Variants in ERG observed in about 807,000 individuals in gnomAD.
ERG encodes ETS transcription factor ERG.
A neutral mutation model predicts 55.3 loss-of-function variants in ERG; 9 were observed. The observed-to-expected ratio is 0.16, with a 90% CI of 0.10 to 0.28. The LOEUF (loss-of-function observed/expected upper bound fraction) is 0.28, where lower values mean the gene tolerates loss of function less well. Among genes scored for constraint, ERG ranks in the 10% least tolerant of loss-of-function variants. The probability of loss-of-function intolerance (pLI) is 1.00; values close to 1 mark genes in which losing one functional copy is unlikely to be tolerated. For synonymous variants in ERG, 223 were observed against 237.3 expected, an observed-to-expected ratio of 0.94 and a Z score of 0.55; for missense variants, 434 against 631.6, an observed-to-expected ratio of 0.69 and a Z score of 3.35.
chr21:38,584,332 A>AT (rs1445717778), intron 1 of ERG, among the ~76,000 whole-genome samples: 1 of 152,020 alleles, frequency 6.6e-6, no homozygotes, highest in Non-Finnish European at 1.5e-5. Context: ...TTTTATTTTT[A>AT]TTTTTTGGCA....
intron 1 of ERG, among the ~76,000 whole-genome samples, chr21:38,472,555 T>A (rs937766950): frequency 6.6e-6 from 1 of 151,806 alleles, no homozygotes; most frequent in African/African-American, 2.4e-5. Context: ...GTCCTAAGAG[T>A]GGTGAGGCTC....
At chr21:38,486,413 G>A (rs2059286136) in intron 1 of ERG, among the ~76,000 whole-genome samples, 1 of 152,166 alleles carries the variant, frequency 6.6e-6, no homozygotes, top group Non-Finnish European at 1.5e-5. Flanking sequence ...ATGTACATTT[G>A]TGTAAGTGCT....
intron 2 of ERG, among the ~76,000 whole-genome samples, chr21:38,441,760 C>G (rs1210649632): frequency 6.6e-6 from 1 of 152,188 alleles, no homozygotes; most frequent in Non-Finnish European, 1.5e-5. Flanking sequence ...TTGCTAGATG[C>G]CTCAAAGCGG....
chr21:38,569,338 G>C (rs928519870), intron 2 of ERG, among the ~76,000 whole-genome samples: 1 of 152,228 alleles, frequency 6.6e-6, no homozygotes, highest in East Asian at 1.9e-4. Context: ...GAAACGGCCC[G>C]TGCCCAGCTT....
Position 38,381,933 on chromosome 21 carries a change from G to A in ERG, c.*1470C>T. The A allele has an allele frequency of 9.4e-7, 1 of 1,062,766 alleles. No individual in the cohort carries two copies. The highest frequency in any genetic ancestry group is 1.1e-6 in the Non-Finnish European group (1 of 877,700). 65.8% of individuals were successfully genotyped at this position (1,062,766 alleles called of 1,614,324 possible). A position where few individuals can be genotyped will look rare whatever the true frequency, so the allele number is the denominator to read the frequency against. On this transcript the variant is annotated 3_prime_UTR_variant, in exon 10 of 10. Coordinates refer to ENST00000288319, the MANE Select transcript of ERG (RefSeq NM_182918.4). The stretch of plus-strand genomic sequence containing the variant: ...TCCCTTGCACAAGTTCCTGGACAAA[G>A]TAAATTATAACACAAAATCCACAAC...
At chr21:38,625,950 C>A (rs1468898673) in intron 1 of ERG, among the ~76,000 whole-genome samples, 1 of 128,618 alleles carries the variant, frequency 7.8e-6, no homozygotes, top group Non-Finnish European at 1.6e-5. Flanking sequence ...TGAGACCAAG[C>A]CTCACTCTGT....
chr21:38,376,957 G>C (rs1217839281), downstream of ERG, among the ~76,000 whole-genome samples: 1 of 152,178 alleles, frequency 6.6e-6, no homozygotes, highest in Admixed American at 6.5e-5. Context: ...ACCAACAACC[G>C]GGCTTCTGCC....
intron 2 of ERG, among the ~76,000 whole-genome samples, chr21:38,573,294 G>A (rs1236254479): frequency 1.3e-5 from 2 of 152,212 alleles, no homozygotes; most frequent in African/African-American, 2.4e-5. Flanking sequence ...CCCCCAGCCC[G>A]ACACCCGTAA....
At chr21:38,632,626 G>C (rs530497586) in intron 1 of ERG, among the ~76,000 whole-genome samples, 66 of 152,170 alleles carry the variant, frequency 4.3e-4, no homozygotes, top group African/African-American at 1.5e-3. Flanking sequence ...TCTCTCTCTC[G>C]CCTGCTGCCA....
chr21:38,552,403 T>A (rs1440816905), intron 2 of ERG, among the ~76,000 whole-genome samples: 1 of 152,104 alleles, frequency 6.6e-6, no homozygotes, highest in Non-Finnish European at 1.5e-5. Flanking sequence ...CAGGCCAATA[T>A]TCATGATGAA....
At chr21:38,652,903 A>C (rs1229821696) in intron 1 of ERG, among the ~76,000 whole-genome samples, 1 of 152,170 alleles carries the variant, frequency 6.6e-6, no homozygotes, top group African/African-American at 2.4e-5. Flanking sequence ...AGATTTCATG[A>C]TGTGCACATT....
intron 2 of ERG, among the ~76,000 whole-genome samples, chr21:38,424,017 G>T (rs1303581239): frequency 2.0e-5 from 3 of 151,782 alleles, no homozygotes; most frequent in Non-Finnish European, 4.4e-5. Flanking sequence ...CCGAAAACAG[G>T]CCTTGCCTTC....
chr21:38,370,953 C>T, the ERG span, among the ~76,000 whole-genome samples: 1,477 of 151,298 alleles, frequency 9.8e-3, 19 homozygotes, highest in African/African-American at 0.033. Context: ...AATGTACTGC[C>T]GGATTTTTTT....
chr21:38,519,855 C>T (rs1276624169), intron 2 of ERG, among the ~76,000 whole-genome samples: 1 of 152,154 alleles, frequency 6.6e-6, no homozygotes, highest in African/African-American at 2.4e-5. Flanking sequence ...ACCCTAACCA[C>T]ACATGTAGAA....
At position 38,381,944 on chromosome 21, in the gene ERG, C is replaced by T. The variant is rs1024031891; in HGVS notation, c.*1459G>A. On this transcript the variant is annotated 3_prime_UTR_variant, in exon 10 of 10. Coordinates refer to ENST00000288319, the MANE Select transcript of ERG (RefSeq NM_182918.4). The stretch of plus-strand genomic sequence containing the variant: ...AGTTCCTGGACAAAGTAAATTATAA[C>T]ACAAAATCCACAACATTCAGCACAT... 2.0e-4 allele frequency: 212 copies of T among 1,062,560 alleles called. No homozygotes were observed. The highest frequency in any genetic ancestry group is 2.3e-4 in the Non-Finnish European group (199 of 877,584). 65.8% of individuals were successfully genotyped at this position (1,062,560 alleles called of 1,614,324 possible).
chr21:38,483,962 G>A (rs2059261028), intron 1 of ERG, among the ~76,000 whole-genome samples: 1 of 152,190 alleles, frequency 6.6e-6, no homozygotes, highest in Non-Finnish European at 1.5e-5. Context: ...TCATGCATTT[G>A]TCATGCAGGA....
At position 38,478,918 on chromosome 21, in the gene ERG, T is replaced by C. The variant is rs553762745; in HGVS notation, c.18+19445A>G. On this transcript the variant is annotated intron_variant, in intron 1 of 9. Transcript: ENST00000288319. ...GCTTGACACATAGAATGGGGGTGAC[T>C]GGCTGCCTAAGTAACAAACTCCCCA... Among the ~76,000 whole-genome samples the C allele has an allele frequency of 2.2e-4, 34 of 152,270 alleles. 1 individual carries two copies. The South Asian group carries it at 4.6e-3, about 20-fold the overall frequency.
At chr21:38,573,596 A>G (rs998321371) in intron 2 of ERG, among the ~76,000 whole-genome samples, 46 of 152,198 alleles carry the variant, frequency 3.0e-4, no homozygotes, top group African/African-American at 1.1e-3. Flanking sequence ...GAACTTAATT[A>G]TGACATAGAT....
upstream of ERG, among the ~76,000 whole-genome samples, chr21:38,498,944 G>T (rs1313860725): frequency 6.6e-6 from 1 of 152,134 alleles, no homozygotes; most frequent in Non-Finnish European, 1.5e-5. This position sits in a 1 kb window ranked among gnomAD's most constrained non-coding sequence, Gnocchi z 4.6. Context: ...TTAATAGATG[G>T]CCATGTTCAG....
Sources: allele counts gnomAD v4.1 joint callset (sites outside exome capture counted in the v4.1 genomes callset), GRCh38; gene constraint gnomAD v4.1.1; non-coding constraint Gnocchi (gnomAD v3.1); transcripts MANE v1.5; gene names NCBI Gene and HGNC (gene_info 2026-07-23, HGNC 2026-07-21).